The following CIB1 variants were observed in gnomAD, a reference collection of about 807,000 sequenced individuals.
CIB1 encodes the protein calcium and integrin binding 1, also known as calcium and integrin-binding protein 1.
A neutral mutation model predicts 25.0 loss-of-function variants in CIB1; 19 were observed. The ratio of observed to expected loss-of-function variants is 0.76; its 90% CI spans 0.53 to 1.12. The LOEUF is 1.12. CIB1 is among the 50% of genes most tolerant of loss of function. CIB1 has a pLI of 0.00. For missense variants in CIB1, 236 were observed against 242.6 expected, an observed-to-expected ratio of 0.97 and a Z score of 0.18; for synonymous variants, 104 against 98.5, an observed-to-expected ratio of 1.06 and a Z score of -0.33.
chr15:90,253,381 G>A, the CIB1 span: 4 of 1,600,640 alleles, frequency 2.5e-6, no homozygotes, highest in East Asian at 8.9e-5. Context: ...CCCATCTCCT[G>A]ACCTGAGAGC....
the CIB1 span, chr15:90,250,485 T>A: frequency 1.1e-6 from 1 of 952,034 alleles, no homozygotes; most frequent in Non-Finnish European, 1.5e-6. Context: ...AGTGAAACAG[T>A]TTTGTCCTGA....
At chr15:90,243,658 T>TGG in the CIB1 span, 1 of 95,366 alleles carries the variant, frequency 1.0e-5, no homozygotes, top group African/African-American at 3.2e-5. Flanking sequence ...TTTTTTTTTT[T>TGG]TTTTTTTTTT....
the CIB1 span, among the ~76,000 whole-genome samples, chr15:90,239,818 G>A: frequency 6.6e-6 from 1 of 152,202 alleles, no homozygotes; most frequent in African/African-American, 2.4e-5. Flanking sequence ...CCAGATACTT[G>A]GGATGCTGAG....
At chr15:90,239,451 CTT>C in the CIB1 span, among the ~76,000 whole-genome samples, 1 of 152,066 alleles carries the variant, frequency 6.6e-6, no homozygotes, top group Non-Finnish European at 1.5e-5. Context: ...CCTCAGGAAA[CTT>C]ACAATCATGA....
intron 2 of CIB1, 67 bp downstream of exon 2, chr15:90,233,602 G>A: frequency 6.5e-7 from 1 of 1,539,738 alleles, no homozygotes; most frequent in Non-Finnish European, 8.8e-7. Context: ...CCTCCCTCGG[G>A]ACAGCGCCCC....
At chr15:90,243,282 AG>A in the CIB1 span, 2 of 152,188 alleles carry the variant, frequency 1.3e-5, no homozygotes, top group Admixed American at 6.5e-5. Flanking sequence ...GCTTTCCTCT[AG>A]CCCCCAACAC....
chr15:90,253,314 T>C, the CIB1 span: 2 of 1,613,750 alleles, frequency 1.2e-6, no homozygotes, highest in South Asian at 1.1e-5. Flanking sequence ...GACTCTGTAC[T>C]GGACAGACTG....
chr15:90,236,807 C>T (rs892748081), upstream of CIB1, among the ~76,000 whole-genome samples: 2 of 151,922 alleles, frequency 1.3e-5, no homozygotes, highest in Non-Finnish European at 2.9e-5. Context: ...AAGTGCTGAG[C>T]CACCACGCCC....
chr15:90,256,063 TAGCAGGA>T, the CIB1 span: 1 of 1,573,524 alleles, frequency 6.4e-7, no homozygotes, highest in Non-Finnish European at 8.7e-7. Context: ...ATGGACTAGA[TAGCAGGA>T]AGAGCTCCAT....
At chr15:90,253,644 G>A in the CIB1 span, among the ~76,000 whole-genome samples, 41,362 of 151,904 alleles carry the variant, frequency 0.27, 6,512 homozygotes, top group East Asian at 0.69. Flanking sequence ...CCTCTCCAGG[G>A]TGGGTGAGCA....
At chr15:90,242,588 G>C in the CIB1 span, 2 of 149,826 alleles carry the variant, frequency 1.3e-5, no homozygotes, top group African/African-American at 4.9e-5. Flanking sequence ...GACTATACAG[G>C]CTCCTGCCAC....
At position 90,230,522 on chromosome 15, in the gene CIB1, C is replaced by T. The variant is rs750620059; in HGVS notation, c.555-17G>A. 105 of 1,551,500 alleles carry T rather than the reference C, an allele frequency of 6.8e-5. No individual in the cohort carries two copies. The highest frequency in any genetic ancestry group is 3.3e-4 in the Middle Eastern group (2 of 5,992). On this transcript the variant is annotated splice_polypyrimidine_tract_variant and intron_variant, in intron 6 of 6. Coordinates refer to ENST00000328649, the MANE Select transcript of CIB1 (RefSeq NM_006384.4). ...TTAAAGGAGCTGAACAAGAGAAAAG[C>T]GGTGGGTTTTCTGCTGGAAGAGGAG...
At position 90,230,959 on chromosome 15, in the gene CIB1, T is replaced by C. The variant is rs745941847; in HGVS notation, c.529A>G (p.Ile177Val). 1.2e-6 allele frequency: 2 copies of C among 1,614,132 alleles called. No individual in the cohort carries two copies. Residue 177 changes from isoleucine (I) to valine (V), a missense_variant, in exon 6 of 7, where the codon ATC (isoleucine) becomes GTC (valine). Transcript: ENST00000328649. The stretch of plus-strand genomic sequence containing the variant: ...CTGGCAAAGTCTGGAGAACGGGAGA[T>C]GACGTGCTGGAACTCAGAGAGGTTG... ...TINLSEFQHV[I>V]SRSPDFASSF...
At chr15:90,234,013 C>T, upstream of CIB1, 1 of 1,096,572 alleles carries the variant, frequency 9.1e-7, no homozygotes, top group Non-Finnish European at 1.2e-6. Context: ...CCCCCGGGCC[C>T]GCCCCCTCCT....
chr15:90,231,145 CCT>C lies in CIB1; in HGVS notation c.413_414del (p.Glu138GlyfsTer7). 2 of 1,614,208 alleles carry C rather than the reference CCT, an allele frequency of 1.2e-6. No individual in the cohort carries two copies. Among genetic ancestry groups the C allele is most frequent in the Non-Finnish European group, 1.7e-6 (2 of 1,180,042 alleles). ...GACGCACTAAGCCGTGTGTCCTCGCCCTCTCCCGTGAGGCAGTTCACCAGCCG... is the reference window on the plus strand; with the variant it reads ...GACGCACTAAGCCGTGTGTCCTCGCCCTCCCGTGAGGCAGTTCACCAGCCG... ...LSRLVNCLTG[E>X]GEDTRLSASE... On this transcript the variant is annotated frameshift_variant, in exon 5 of 7. Transcript: ENST00000328649. LOFTEE classifies it high-confidence loss of function.
chr15:90,231,530 A>T, intron 3 of CIB1, 23 bp from the exon 4 acceptor site: 2 of 1,611,356 alleles, frequency 1.2e-6, no homozygotes, highest in Admixed American at 3.4e-5. Context: ...ACGCCACAGG[A>T]CGTGGCCCAG....
At chr15:90,253,296 G>T in the CIB1 span, 4 of 1,613,870 alleles carry the variant, frequency 2.5e-6, no homozygotes, top group Non-Finnish European at 3.4e-6. Context: ...GGGGGAGGAT[G>T]AAGAGTGGAC....
the CIB1 span, among the ~76,000 whole-genome samples, chr15:90,239,827 A>G: frequency 3.9e-5 from 6 of 152,192 alleles, no homozygotes; most frequent in Non-Finnish European, 8.8e-5. Flanking sequence ...TGGGATGCTG[A>G]GGTGAAAGAA....
At chr15:90,256,595 T>TTCTC in the CIB1 span, among the ~76,000 whole-genome samples, 17 of 37,912 alleles carry the variant, frequency 4.5e-4, no homozygotes, top group Non-Finnish European at 7.1e-4. Flanking sequence ...CTTTCTTTCT[T>TTCTC]TCTTTCTTTC....
Sources: allele counts gnomAD v4.1 joint callset (sites outside exome capture counted in the v4.1 genomes callset), GRCh38; gene constraint gnomAD v4.1.1; transcripts MANE v1.5; gene names NCBI Gene and HGNC (gene_info 2026-07-23, HGNC 2026-07-21).